The following ANK3 variants were observed in gnomAD, a reference collection of about 807,000 sequenced individuals.
ANK3 encodes the protein ankyrin 3, also known as ankyrin-3.
Under a neutral mutation model 370.9 loss-of-function variants are expected in ANK3, and 57 were observed. That is an observed-to-expected ratio of 0.15 (90% CI 0.12 to 0.19). The LOEUF (loss-of-function observed/expected upper bound fraction) is 0.19, where lower values mean the gene tolerates loss of function less well. Among genes scored for constraint, ANK3 ranks in the 10% least tolerant of loss-of-function variants. The probability of loss-of-function intolerance (pLI) is 1.00; values close to 1 mark genes in which losing one functional copy is unlikely to be tolerated. For missense variants in ANK3, 4,439 were observed against 5,302.1 expected (o/e 0.84, Z 5.06); for synonymous variants, 1,929 against 1,946.3 (o/e 0.99, Z 0.23).
At chr10:60,391,270 C>T (rs545659655), upstream of ANK3, among the ~76,000 whole-genome samples, 1 of 152,298 alleles carries the variant, frequency 6.6e-6, no homozygotes, top group South Asian at 2.1e-4. Flanking sequence ...TGCTCACATG[C>T]TTGACTTCCA....
chr10:60,042,133 T>TA (rs528954168), intron 43 of ANK3, among the ~76,000 whole-genome samples: 20 of 152,308 alleles, frequency 1.3e-4, no homozygotes, highest in African/African-American at 4.8e-4. Context: ...ACATTTAACT[T>TA]AAAAAACAAA....
chr10:60,420,282 C>T (rs1236371120), intron 2 of ANK3, among the ~76,000 whole-genome samples: 38 of 152,228 alleles, frequency 2.5e-4, no homozygotes, highest in East Asian at 1.9e-4. Flanking sequence ...AATAAAGTGG[C>T]TCCCAAATCG....
chr10:60,623,459 C>T (rs2078366196), intron 1 of ANK3, among the ~76,000 whole-genome samples: 1 of 151,982 alleles, frequency 6.6e-6, no homozygotes, highest in African/African-American at 2.4e-5. Context: ...GGGGAAAGGC[C>T]AGGTAGGAAA....
intron 38 of ANK3, among the ~76,000 whole-genome samples, chr10:60,066,653 C>G (rs7902905): frequency 6.6e-6 from 1 of 151,756 alleles, no homozygotes. Context: ...TTAGATGAAA[C>G]TGCTTCCTAT....
chr10:60,104,687 T>G (rs2091923916), intron 28 of ANK3, among the ~76,000 whole-genome samples: 2 of 152,240 alleles, frequency 1.3e-5, no homozygotes, highest in South Asian at 4.1e-4. Context: ...TCTACCTTGC[T>G]GTAAAGACAT....
At chr10:60,279,432 A>T in intron 2 of ANK3, 106 bp downstream of exon 2, 1 of 899,924 alleles carries the variant, frequency 1.1e-6, no homozygotes, top group Non-Finnish European at 1.7e-6. Flanking sequence ...ACAAGCTGAT[A>T]AAATTCAATG....
chr10:60,200,024 T>C (rs2096648607), intron 13 of ANK3, 105 bp downstream of exon 13: 5 of 809,708 alleles, frequency 6.2e-6, no homozygotes, highest in Non-Finnish European at 7.9e-6. Context: ...GGTTTTTCAA[T>C]ATTTTTAAAG....
At chr10:60,130,026 G>T (rs940532290) in intron 25 of ANK3, among the ~76,000 whole-genome samples, 4 of 152,194 alleles carry the variant, frequency 2.6e-5, no homozygotes, top group African/African-American at 4.8e-5. Context: ...TAATGATTTT[G>T]TGTCACTTAA....
chr10:60,388,043 A>G (rs909381760), intron 1 of ANK3, among the ~76,000 whole-genome samples: 4 of 152,216 alleles, frequency 2.6e-5, no homozygotes, highest in Non-Finnish European at 4.4e-5. Context: ...ACCTACCCAC[A>G]GAGAAACCTC....
At chr10:60,640,223 G>T (rs1042108742) in intron 1 of ANK3, among the ~76,000 whole-genome samples, 1 of 151,024 alleles carries the variant, frequency 6.6e-6, no homozygotes, top group Non-Finnish European at 1.5e-5. Context: ...GGAGGAACTG[G>T]TACCATTCCT....
rs368881443 is a variant in ANK3, at chr10:60,161,616, T to C, written c.2614+4975A>G. Among the ~76,000 whole-genome samples, 16 of 152,226 alleles carry C rather than the reference T, an allele frequency of 1.1e-4. No individual in the cohort carries two copies. The East Asian group carries it at 2.9e-3, about 28-fold the overall frequency. Reference sequence around the variant, plus strand: ...CATGGATGGAATTGGAGACATTATCTTAAGTGAGGTAAGCTAGGCACAGAA... The same window carrying C: ...CATGGATGGAATTGGAGACATTATCCTAAGTGAGGTAAGCTAGGCACAGAA... On this transcript the variant is annotated intron_variant, in intron 23 of 43. Coordinates refer to ENST00000280772, the MANE Select transcript of ANK3 (RefSeq NM_020987.5).
intron 1 of ANK3, among the ~76,000 whole-genome samples, chr10:60,302,854 A>C (rs528346701): frequency 6.6e-5 from 10 of 152,008 alleles, no homozygotes; most frequent in South Asian, 6.2e-4. Context: ...AAAAAAAAAA[A>C]CCCAGACAAT....
At chr10:60,291,288 G>A (rs2041322918) in intron 1 of ANK3, among the ~76,000 whole-genome samples, 2 of 152,092 alleles carry the variant, frequency 1.3e-5, no homozygotes, top group Admixed American at 6.5e-5. Context: ...TAAAATCATA[G>A]GTATCAGGAG....
intron 1 of ANK3, among the ~76,000 whole-genome samples, chr10:60,677,139 A>G (rs2028563): frequency 0.67 from 101,818 of 151,976 alleles, 34,288 homozygotes; most frequent in South Asian, 0.83. Context: ...AGGTGCCCTT[A>G]AGTGGAATAG....
chr10:60,181,212 C>G, intron 18 of ANK3, 117 bp downstream of exon 18: 2 of 949,608 alleles, frequency 2.1e-6, no homozygotes, highest in Non-Finnish European at 3.3e-6. Flanking sequence ...ATTTAAAATA[C>G]TACGTAGAAA....
At chr10:60,637,273 T>C (rs1207460061) in intron 1 of ANK3, among the ~76,000 whole-genome samples, 1 of 152,206 alleles carries the variant, frequency 6.6e-6, no homozygotes, top group Admixed American at 6.5e-5. Context: ...GCTTACCATC[T>C]CTCTTCATAA....
intron 2 of ANK3, among the ~76,000 whole-genome samples, chr10:60,589,911 C>G (rs879327685): frequency 1.3e-5 from 2 of 152,074 alleles, no homozygotes; most frequent in Non-Finnish European, 2.9e-5. Flanking sequence ...TTTCAATTTC[C>G]ACAATTTTGC....
At chr10:60,462,455 A>G (rs2064908984) in intron 2 of ANK3, among the ~76,000 whole-genome samples, 2 of 152,158 alleles carry the variant, frequency 1.3e-5, no homozygotes, top group Non-Finnish European at 2.9e-5. Context: ...TAAGAGTTTA[A>G]GTATTTACAA....
chr10:60,543,965 T>G (rs1161707822), intron 2 of ANK3, among the ~76,000 whole-genome samples: 1 of 152,070 alleles, frequency 6.6e-6, no homozygotes, highest in Non-Finnish European at 1.5e-5. Flanking sequence ...TGTTGCTTCA[T>G]TTACCATCCT....
Sources: allele counts gnomAD v4.1 joint callset (sites outside exome capture counted in the v4.1 genomes callset), GRCh38; gene constraint gnomAD v4.1.1; transcripts MANE v1.5; gene names NCBI Gene and HGNC (gene_info 2026-07-23, HGNC 2026-07-21).